Variants in HIRA observed in about 807,000 individuals in gnomAD.
HIRA encodes protein HIRA.
HIRA carries 13 observed loss-of-function variants against 126.6 expected under a neutral mutation model. The ratio of observed to expected loss-of-function variants is 0.10; its 90% CI spans 0.07 to 0.16. The LOEUF (loss-of-function observed/expected upper bound fraction) is 0.16, where lower values mean the gene tolerates loss of function less well. Ranked by LOEUF, HIRA falls within the 10% of genes least tolerant of loss-of-function variation. HIRA has a pLI of 1.00. For missense variants in HIRA, 834 were observed against 1,314.4 expected (o/e 0.63, Z 5.65); for synonymous variants, 511 against 520.0 (o/e 0.98, Z 0.24).
At chr22:19,393,135 G>C (rs759019612) in intron 8 of HIRA, among the ~76,000 whole-genome samples, 2 of 152,140 alleles carry the variant, frequency 1.3e-5, no homozygotes, top group African/African-American at 2.4e-5. Flanking sequence ...GCCATAGGCA[G>C]GCGTCGTGAT....
In HIRA at chr22:19,331,548, C is replaced by A. The variant is rs1556004626; in HGVS notation, c.2946G>T (p.Arg982=). 2 of 1,600,450 alleles carry A rather than the reference C, an allele frequency of 1.2e-6. No individual in the cohort carries two copies. The highest frequency in any genetic ancestry group is 2.2e-5 in the South Asian group (2 of 89,066). The part of the protein sequence containing the change: ...SQWESTVVGL[R]KRELLKELLP... ...GCAGCTCCTTCAGCAGCTCCCTCTTCCGCAGACCCTGTGGACACAGAGTGA... is the reference window on the plus strand; with the variant it reads ...GCAGCTCCTTCAGCAGCTCCCTCTTACGCAGACCCTGTGGACACAGAGTGA... The change falls in exon 25 of 25, where the codon CGG becomes CGT. Residue 982 remains arginine (R), a synonymous_variant. Transcript: ENST00000263208.
At chr22:19,415,433 CAA>C (rs2089388149) in intron 1 of HIRA, among the ~76,000 whole-genome samples, 1 of 152,178 alleles carries the variant, frequency 6.6e-6, no homozygotes, top group Admixed American at 6.5e-5. Context: ...TGAAGGAAAT[CAA>C]AGACACAAAT....
chr22:19,334,007 A>C (rs1308144260), intron 24 of HIRA, among the ~76,000 whole-genome samples: 9 of 150,450 alleles, frequency 6.0e-5, no homozygotes, highest in African/African-American at 1.7e-4. Context: ...TGGAGCCTCG[A>C]TCTGTCGCCC....
Position 19,388,503 on chromosome 22 carries a change from A to C in HIRA, c.988T>G (p.Ser330Ala). The change falls in exon 10 of 25, where the codon TCC (serine) becomes GCC (alanine). Residue 330 changes from serine (S) to alanine (A), a missense_variant. Transcript: ENST00000263208. ...LVVIHELFDK[S>A]IMDISWTLNG... ...CCTTACCAGGAAATATCCATGATGG[A>C]TTTGTCAAACAGTTCATGGATGACC... The C allele has an allele frequency of 6.2e-7, 1 of 1,612,988 alleles. No homozygotes were observed. The highest frequency in any genetic ancestry group is 8.5e-7 in the Non-Finnish European group (1 of 1,178,974).
chr22:19,369,557 G>C (rs144242713), intron 15 of HIRA, among the ~76,000 whole-genome samples: 1 of 152,282 alleles, frequency 6.6e-6, no homozygotes, highest in African/African-American at 2.4e-5. Context: ...CTCTGAGGAA[G>C]TGGGGGACCT....
chr22:19,383,267 TA>T (rs1183875583), intron 13 of HIRA, among the ~76,000 whole-genome samples: 1 of 151,964 alleles, frequency 6.6e-6, no homozygotes, highest in Non-Finnish European at 1.5e-5. Context: ...TGTGTAAATA[TA>T]CCTTTCATAA....
chr22:19,356,232 G>T lies in HIRA; in HGVS notation c.2453C>A (p.Ala818Glu), dbSNP rs782765838. 2 of 1,613,480 alleles carry T rather than the reference G, an allele frequency of 1.2e-6. No homozygotes were observed. Among genetic ancestry groups the T allele is most frequent in the African/African-American group, 2.7e-5 (2 of 75,016 alleles). The part of the protein sequence containing the change: ...VKEESLHSIL[A>E]GSDMTVSQIL... Reference sequence around the variant, plus strand: ...GGACAGCCTGTTGCCTGCATTACCTGCCAGGATGGAGTGTAGAGACTCTTC... The same window carrying T: ...GGACAGCCTGTTGCCTGCATTACCTTCCAGGATGGAGTGTAGAGACTCTTC... The change falls in exon 20 of 25, where the codon GCA becomes GAA. Residue 818 changes from alanine (A) to glutamate (E), a missense_variant and splice_region_variant. Coordinates refer to ENST00000263208, the MANE Select transcript of HIRA (RefSeq NM_003325.4).
chr22:19,404,065 T>C (rs1415325195), intron 5 of HIRA, among the ~76,000 whole-genome samples: 2 of 152,242 alleles, frequency 1.3e-5, no homozygotes, highest in African/African-American at 4.8e-5. Flanking sequence ...TTTCTAGATC[T>C]TTAAACTCTA....
rs1401225236 is a variant in HIRA at position 19,345,252 on chromosome 22, A to C, written c.2937+6106T>G. Among the ~76,000 whole-genome samples the C allele has an allele frequency of 3.3e-5, 5 of 152,236 alleles. No individual in the cohort carries two copies. The East Asian group carries it at 9.6e-4, about 29-fold the overall frequency. On this transcript the variant is annotated intron_variant, in intron 24 of 24. Coordinates refer to ENST00000263208, the MANE Select transcript of HIRA (RefSeq NM_003325.4). The stretch of plus-strand genomic sequence containing the variant: ...GAAAACCCTAAAGATTCAGCGAAAA[A>C]CTACTATAAACAAAGCAAAACATTC...
Position 19,359,495 on chromosome 22 carries a change from TA to T in HIRA, c.2086-12del, listed in dbSNP as rs760188458. 6.3e-7 allele frequency: 1 copy of T among 1,595,430 alleles called. No homozygotes were observed. Among genetic ancestry groups the T allele is most frequent in the East Asian group, 2.3e-5 (1 of 43,376 alleles). Reference sequence around the variant, plus strand: ...AGGATCGGAGCTGACCTGGATGAAGTAAACACACGGGTCTGCTCAGACAAGG... The same window carrying T: ...AGGATCGGAGCTGACCTGGATGAAGTAACACACGGGTCTGCTCAGACAAGG... On this transcript the variant is annotated splice_polypyrimidine_tract_variant and intron_variant, in intron 17 of 24. Coordinates refer to ENST00000263208, the MANE Select transcript of HIRA (RefSeq NM_003325.4).
intron 24 of HIRA, among the ~76,000 whole-genome samples, chr22:19,339,563 G>C (rs782042553): frequency 6.6e-6 from 1 of 151,932 alleles, no homozygotes; most frequent in Non-Finnish European, 1.5e-5. Flanking sequence ...CTTGAACCTG[G>C]GAGGCAGAGG....
chr22:19,414,612 C>T (rs1277480311), intron 1 of HIRA, among the ~76,000 whole-genome samples: 1 of 152,208 alleles, frequency 6.6e-6, no homozygotes, highest in African/African-American at 2.4e-5. Flanking sequence ...CTCCTGGGAA[C>T]ACTTCCTGCA....
At chr22:19,389,995 G>GAAA (rs66853562) in intron 9 of HIRA, among the ~76,000 whole-genome samples, 4 of 142,382 alleles carry the variant, frequency 2.8e-5, no homozygotes, top group Non-Finnish European at 4.6e-5. Flanking sequence ...TTTACAAAAT[G>GAAA]AAAAAAAAAA....
In HIRA at chr22:19,431,482, G is replaced by GGCC. The variant is rs535003721; in HGVS notation, c.-9_-7dup. 130,567 of 1,597,652 alleles carry GGCC rather than the reference G, an allele frequency of 0.082. 5,224 individuals are homozygous for GGCC. The highest frequency in any genetic ancestry group is 0.11 in the Admixed American group (6,665 of 59,494). On this transcript the variant is annotated 5_prime_UTR_variant, in exon 1 of 25. Transcript: ENST00000263208. ...GTCGGCTTCAGGAGCTTCATTGTTC[G>GGCC]GCCGCCGCCGCCGCCGGGCTGAGGC...
At position 19,362,044 on chromosome 22, in the gene HIRA, T is replaced by G; in HGVS notation, c.1776-113A>C. 3.1e-6 allele frequency: 3 copies of G among 973,790 alleles called. No homozygotes were observed. In the South Asian group the frequency reaches 4.8e-5, roughly 16 times the overall value. 60.3% of individuals were successfully genotyped at this position (973,790 alleles called of 1,614,324 possible). A position where few individuals can be genotyped will look rare whatever the true frequency, so the allele number is the denominator to read the frequency against. ...CCTCTTGCCAACCTAGAATTCTGTG[T>G]CCAGTGAAATTATGCCTCAAAAGTA... On this transcript the variant is annotated intron_variant, in intron 15 of 24. Coordinates refer to ENST00000263208, the MANE Select transcript of HIRA (RefSeq NM_003325.4).
rs143017324 is a variant in HIRA at position 19,357,989 on chromosome 22, A to AG, written c.2235-939dup. On this transcript the variant is annotated intron_variant, in intron 18 of 24. Coordinates refer to ENST00000263208, the MANE Select transcript of HIRA (RefSeq NM_003325.4). ...GCACGGGCAACAAGGAGCTCTCTGCAGTGCTGTGACTGAATTCTTATTTTT... is the reference window on the plus strand; with the variant it reads ...GCACGGGCAACAAGGAGCTCTCTGCAGGTGCTGTGACTGAATTCTTATTTTT... Among the ~76,000 whole-genome samples the AG allele has an allele frequency of 4.3e-3, 649 of 152,294 alleles. 4 individuals carry two copies. Among genetic ancestry groups the AG allele is most frequent in the African/African-American group, 0.015 (611 of 41,566 alleles).
chr22:19,372,764 G>C (rs1402961889), intron 15 of HIRA, among the ~76,000 whole-genome samples: 1 of 151,960 alleles, frequency 6.6e-6, no homozygotes, highest in African/African-American at 2.4e-5. Context: ...TAGAGATGGG[G>C]TTTCGCCATG....
intron 2 of HIRA, among the ~76,000 whole-genome samples, chr22:19,409,622 C>T (rs1008496193): frequency 7.2e-5 from 11 of 152,172 alleles, no homozygotes; most frequent in African/African-American, 1.4e-4. Context: ...TGATATCTAA[C>T]GAAGTTTAGC....
intron 15 of HIRA, among the ~76,000 whole-genome samples, chr22:19,366,648 T>C (rs906326503): frequency 1.2e-4 from 18 of 152,206 alleles, no homozygotes; most frequent in Non-Finnish European, 2.9e-5. Context: ...TGCAATCTCA[T>C]AAAAAACTTG....
Sources: allele counts gnomAD v4.1 joint callset (sites outside exome capture counted in the v4.1 genomes callset), GRCh38; gene constraint gnomAD v4.1.1; transcripts MANE v1.5; gene names NCBI Gene and HGNC (gene_info 2026-07-23, HGNC 2026-07-21).